Variants in PPIE observed in about 807,000 individuals in gnomAD.
PPIE encodes the protein peptidylprolyl isomerase E, also known as peptidyl-prolyl cis-trans isomerase E.
PPIE carries 20 observed loss-of-function variants against 38.4 expected under a neutral mutation model. The observed-to-expected ratio is 0.52, with a 90% confidence interval of 0.37 to 0.76. The LOEUF is 0.76. Ranked by LOEUF, PPIE falls within the 30% of genes least tolerant of loss-of-function variation. The probability of loss-of-function intolerance (pLI) is 0.00; values close to 1 mark genes in which losing one functional copy is unlikely to be tolerated. For missense variants in PPIE, 322 were observed against 385.8 expected, an observed-to-expected ratio of 0.83 and a Z score of 1.39; for synonymous variants, 142 against 135.7, an observed-to-expected ratio of 1.05 and a Z score of -0.32.
chr1:39,760,339 G>A (rs966533330), downstream of PPIE: 88 of 1,586,138 alleles, frequency 5.5e-5, no homozygotes, highest in Admixed American at 3.4e-4. Flanking sequence ...CTGGGGTCTG[G>A]CTGGGTTTGA....
intron 2 of PPIE, among the ~76,000 whole-genome samples, chr1:39,740,890 AG>A (rs1647040856): frequency 6.6e-6 from 1 of 152,178 alleles, no homozygotes; most frequent in Non-Finnish European, 1.5e-5. Context: ...AGGGCCTTCT[AG>A]TCTCTGAGTT....
chr1:39,763,386 C>CCCCTCCCCAGCCGTCCCTCCCCAGCCGG (rs1649299990), intron 9 of PPIE, among the ~76,000 whole-genome samples: 1 of 137,340 alleles, frequency 7.3e-6, no homozygotes, highest in Non-Finnish European at 1.6e-5. Flanking sequence ...CACTTTGCGT[C>CCCCTCCCCAGCCGTCCCTCCCCAGCCGG]CCCTCCCCAG....
intron 9 of PPIE, 56 bp from the exon 10 acceptor site, chr1:39,753,231 C>T: frequency 6.2e-7 from 1 of 1,605,152 alleles, no homozygotes; most frequent in Non-Finnish European, 8.5e-7. Context: ...GGGTTGGTAT[C>T]CCTAAACCAC....
At chr1:39,760,373 C>T (rs200807723), downstream of PPIE, 5,191 of 1,608,658 alleles carry the variant, frequency 3.2e-3, 16 homozygotes, top group Admixed American at 4.5e-3. Context: ...CTGAGGGGCC[C>T]GATCCAGATG....
chr1:39,753,933 C>T lies in PPIE; in HGVS notation c.*578C>T, dbSNP rs905091799. 2 of 985,170 alleles carry T rather than the reference C, an allele frequency of 2.0e-6. No individual in the cohort carries two copies. The highest frequency in any genetic ancestry group is 1.2e-4 in the Admixed American group (2 of 16,258). The allele number at this position is 985,170 out of a possible 1,614,324, so 61.0% of individuals were successfully genotyped here. ...CTCCGGTCTTCTGCTGCCTCTGCTC[C>T]TAAACCCAGCTGCCGGCCTTACAGC... On this transcript the variant is annotated 3_prime_UTR_variant, in exon 10 of 10. Transcript: ENST00000324379.
intron 8 of PPIE, 74 bp downstream of exon 8, chr1:39,749,162 G>C (rs1647434532): frequency 6.8e-7 from 1 of 1,459,916 alleles, no homozygotes; most frequent in South Asian, 1.3e-5. Flanking sequence ...TGGAAGGACA[G>C]GTTGTAGTTC....
At chr1:39,740,375 C>A in intron 2 of PPIE, 112 bp downstream of exon 2, 1 of 771,966 alleles carries the variant, frequency 1.3e-6, no homozygotes, top group Non-Finnish European at 2.1e-6. Flanking sequence ...GTATACACTA[C>A]AGGTAAGTTC....
intron 4 of PPIE, 167 bp downstream of exon 4, chr1:39,742,088 C>A (rs1400506185): frequency 1.5e-6 from 1 of 656,646 alleles, no homozygotes; most frequent in Non-Finnish European, 2.6e-6. Flanking sequence ...AAAATTAGTT[C>A]TTACTCAGAC....
exon 10 of PPIE, chr1:39,763,903 G>C: frequency 8.0e-7 from 1 of 1,257,506 alleles, no homozygotes; most frequent in Middle Eastern, 2.6e-4. Context: ...ATAAATGAAT[G>C]ACAGGAAACC....
intron 8 of PPIE, 132 bp downstream of exon 8, chr1:39,749,220 A>G: frequency 1.1e-6 from 1 of 926,702 alleles, no homozygotes; most frequent in South Asian, 1.7e-5. Flanking sequence ...CACCAGACAT[A>G]GGAGAACCAT....
intron 9 of PPIE, 102 bp downstream of exon 9, chr1:39,753,154 C>T (rs1647923059): frequency 5.0e-6 from 8 of 1,588,768 alleles, no homozygotes; most frequent in Non-Finnish European, 6.0e-6. Flanking sequence ...TGGCCAGGGG[C>T]TGTGTCCAGC....
At chr1:39,763,342 G>C in intron 9 of PPIE, 1 of 833,668 alleles carries the variant, frequency 1.2e-6, no homozygotes, top group East Asian at 2.6e-5. Flanking sequence ...GAAAAGGCTG[G>C]GCAGGAGCTC....
In PPIE at chr1:39,753,873, C is replaced by T. The variant is rs1648015457; in HGVS notation, c.*518C>T. On this transcript the variant is annotated 3_prime_UTR_variant, in exon 10 of 10. Transcript: ENST00000324379. Reference sequence around the variant, plus strand: ...GGTGATGTATCTTCACACCAGGCATCGATGTCAGGGCAACGGAAATTAAAG... The same window carrying T: ...GGTGATGTATCTTCACACCAGGCATTGATGTCAGGGCAACGGAAATTAAAG... The T allele has an allele frequency of 5.1e-6, 5 of 985,328 alleles. No homozygotes were observed. Among genetic ancestry groups the T allele is most frequent in the Non-Finnish European group, 6.0e-6 (5 of 829,916 alleles). The allele number at this position is 985,328 out of a possible 1,614,324, so 61.0% of individuals were successfully genotyped here.
downstream of PPIE, chr1:39,757,791 A>G (rs755930737): frequency 6.6e-6 from 1 of 152,238 alleles, no homozygotes; most frequent in Non-Finnish European, 1.5e-5. Flanking sequence ...CAGCAAACGG[A>G]TAAGGATTAA....
At chr1:39,762,372 C>A (rs1649113249) in intron 9 of PPIE, 2 of 1,116,382 alleles carry the variant, frequency 1.8e-6, no homozygotes, top group Non-Finnish European at 2.5e-6. Flanking sequence ...AAGGGGAAAA[C>A]ATAAGGCTGT....
At chr1:39,750,232 A>G (rs1025861501) in intron 8 of PPIE, among the ~76,000 whole-genome samples, 6 of 152,144 alleles carry the variant, frequency 3.9e-5, no homozygotes, top group Admixed American at 3.3e-4. Flanking sequence ...GTAAAAGCAT[A>G]ACTTCTTGAA....
chr1:39,761,666 G>T (rs1649000949), downstream of PPIE, among the ~76,000 whole-genome samples: 1 of 152,046 alleles, frequency 6.6e-6, no homozygotes, highest in South Asian at 2.1e-4. Context: ...CCCTGAACCT[G>T]CCAAGCTCAC....
intron 6 of PPIE, among the ~76,000 whole-genome samples, chr1:39,744,513 CTCTCT>C (rs1259827944): frequency 6.6e-6 from 1 of 152,172 alleles, no homozygotes; most frequent in Non-Finnish European, 1.5e-5. Context: ...CATGGTTTCT[CTCTCT>C]TCTCTCAGCT....
chr1:39,760,575 A>G (rs1476215434), downstream of PPIE: 1 of 1,613,040 alleles, frequency 6.2e-7, no homozygotes, highest in Admixed American at 1.7e-5. Context: ...GCACCTGGCC[A>G]GGAAGAGGGC....
Sources: allele counts gnomAD v4.1 joint callset (sites outside exome capture counted in the v4.1 genomes callset), GRCh38; gene constraint gnomAD v4.1.1; transcripts MANE v1.5; gene names NCBI Gene and HGNC (gene_info 2026-07-23, HGNC 2026-07-21).